The following NFAT5 variants were observed in gnomAD, a reference collection of about 807,000 sequenced individuals.
The protein encoded by NFAT5 is nuclear factor of activated T cells 5.
A neutral mutation model predicts 166.5 loss-of-function variants in NFAT5; 31 were observed. That is an observed-to-expected ratio of 0.19 (90% CI 0.14 to 0.25). NFAT5 has a LOEUF of 0.25. Among genes scored for constraint, NFAT5 ranks in the 10% least tolerant of loss-of-function variants. The pLI, the probability that NFAT5 is intolerant of heterozygous loss-of-function variation, is 1.00. For synonymous variants in NFAT5, 612 were observed against 639.7 expected, an observed-to-expected ratio of 0.96 and a Z score of 0.65; for missense variants, 1,449 against 1,821.8, an observed-to-expected ratio of 0.80 and a Z score of 3.72.
At position 69,693,076 on chromosome 16, in the gene NFAT5, A is replaced by T; in HGVS notation, c.3251A>T (p.His1084Leu). Residue 1084 changes from histidine to leucine, a missense_variant, in exon 13 of 15, where the codon CAT becomes CTT. Coordinates refer to ENST00000349945, the MANE Select transcript of NFAT5 (RefSeq NM_138713.4). ...GGAAATTTTTTGCAGCAGTCTTCTC[A>T]TTCACAGGCCCAACTTTTTCATCCT... The part of the protein sequence containing the change: ...QSGNFLQQSS[H>L]SQAQLFHPQN... 1 of 1,614,112 alleles carries T rather than the reference A, an allele frequency of 6.2e-7. No individual in the cohort carries two copies. Among genetic ancestry groups the T allele is most frequent in the Non-Finnish European group, 8.5e-7 (1 of 1,180,028 alleles).
chr16:69,621,994 GT>G (rs2034222437), intron 2 of NFAT5, among the ~76,000 whole-genome samples: 1 of 151,978 alleles, frequency 6.6e-6, no homozygotes. Context: ...AATAAATAAA[GT>G]GCATATGCTC....
intron 11 of NFAT5, among the ~76,000 whole-genome samples, chr16:69,686,925 A>T (rs2151707386): frequency 6.6e-6 from 1 of 152,322 alleles, no homozygotes; most frequent in East Asian, 1.9e-4. Context: ...GAAAAAATGC[A>T]AGTGTTGGAT....
Position 69,646,987 on chromosome 16 carries a change from A to G in NFAT5, c.254-41A>G, listed in dbSNP as rs747213097. 13 of 1,454,518 alleles carry G rather than the reference A, an allele frequency of 8.9e-6. No homozygotes were observed. In the South Asian group the frequency reaches 2.0e-4, roughly 22 times the overall value. 90.1% of individuals were successfully genotyped at this position (1,454,518 alleles called of 1,614,324 possible). On this transcript the variant is annotated intron_variant, in intron 3 of 14. Transcript: ENST00000349945. ...TGGGACTGCTAGCCAGCATAGGTGA[A>G]AACATGTATAGTGTATTTACTCTTG...
At chr16:69,653,485 A>C in intron 5 of NFAT5, 57 bp downstream of exon 5, 2 of 1,039,332 alleles carry the variant, frequency 1.9e-6, no homozygotes, top group Non-Finnish European at 2.6e-6. Context: ...GAATGAGAAT[A>C]TGTCCTGAAA....
At chr16:69,656,282 CAA>C (rs1230748739) in intron 6 of NFAT5, among the ~76,000 whole-genome samples, 45 of 58,856 alleles carry the variant, frequency 7.6e-4, no homozygotes, top group Admixed American at 2.8e-3. Flanking sequence ...CTCTGTCTCA[CAA>C]AAAAAAAAAA....
At chr16:69,600,840 A>G (rs903853354) in intron 2 of NFAT5, among the ~76,000 whole-genome samples, 34 of 149,034 alleles carry the variant, frequency 2.3e-4, no homozygotes, top group Admixed American at 8.1e-4. Context: ...CACAATTTTG[A>G]TTTTTCTCTA....
chr16:69,577,147 C>T (rs1022696480), intron 2 of NFAT5, among the ~76,000 whole-genome samples: 8 of 152,134 alleles, frequency 5.3e-5, no homozygotes, highest in African/African-American at 1.2e-4. Flanking sequence ...CGTTTTCTCA[C>T]GGTAGTCTAT....
Position 69,592,221 on chromosome 16 carries a change from G to A in NFAT5, c.127+23673G>A, listed in dbSNP as rs180724849. Among the ~76,000 whole-genome samples, 270 of 139,622 alleles carry A rather than the reference G, an allele frequency of 1.9e-3. 5 individuals are homozygous for A. The East Asian group carries it at 0.041, about 21-fold the overall frequency. The allele number at this position is 139,622 out of a possible 152,430, so 91.6% of individuals were successfully genotyped here. The stretch of plus-strand genomic sequence containing the variant: ...CAACCTCCCAAGTAGCTGAGATTAC[G>A]GGCACCCACCACCACGCCTGGATAA... On this transcript the variant is annotated intron_variant, in intron 2 of 14. Coordinates refer to ENST00000349945, the MANE Select transcript of NFAT5 (RefSeq NM_138713.4).
chr16:69,687,454 A>AT (rs1243402295), intron 11 of NFAT5, among the ~76,000 whole-genome samples: 1 of 151,762 alleles, frequency 6.6e-6, no homozygotes, highest in African/African-American at 2.4e-5. Context: ...AAAAAAAAAA[A>AT]AGGATTGGAA....
At chr16:69,667,622 TA>T (rs1472983256) in intron 7 of NFAT5, among the ~76,000 whole-genome samples, 1 of 152,098 alleles carries the variant, frequency 6.6e-6, no homozygotes, top group Non-Finnish European at 1.5e-5. Context: ...CAAATAAATT[TA>T]AAAAATGAGA....
intron 2 of NFAT5, among the ~76,000 whole-genome samples, chr16:69,614,861 T>C (rs201144379): frequency 1.3e-4 from 19 of 144,046 alleles, no homozygotes; most frequent in East Asian, 6.2e-4. Context: ...TCCTGGACTT[T>C]TATGGTTTTC....
chr16:69,597,102 A>G (rs1278698641), intron 2 of NFAT5, among the ~76,000 whole-genome samples: 1 of 152,152 alleles, frequency 6.6e-6, no homozygotes, highest in African/African-American at 2.4e-5. Flanking sequence ...AGGGGAGAAT[A>G]CCATGTTAGA....
intron 11 of NFAT5, chr16:69,685,596 T>G (rs1046534899): frequency 6.6e-6 from 1 of 151,536 alleles, no homozygotes; most frequent in African/African-American, 2.4e-5. Flanking sequence ...GTCACACCTA[T>G]AGTCCCAGCA....
At chr16:69,629,876 C>G (rs530334783) in intron 3 of NFAT5, among the ~76,000 whole-genome samples, 12 of 151,372 alleles carry the variant, frequency 7.9e-5, no homozygotes, top group Non-Finnish European at 1.8e-4. Flanking sequence ...TCAAGTGATC[C>G]TCCCATTTCA....
chr16:69,659,988 C>T (rs1171419498), intron 7 of NFAT5, 89 bp downstream of exon 7: 1 of 1,158,302 alleles, frequency 8.6e-7, no homozygotes, highest in Non-Finnish European at 1.2e-6. Flanking sequence ...TTAGATATTT[C>T]ATATGCTCCG....
chr16:69,659,833 G>A lies in NFAT5; in HGVS notation c.1303G>A (p.Val435Ile), dbSNP rs1176563939. 6.2e-6 allele frequency: 10 copies of A among 1,614,038 alleles called. No homozygotes were observed. Among genetic ancestry groups the A allele is most frequent in the Non-Finnish European group, 8.5e-6 (10 of 1,179,980 alleles). The change falls in exon 7 of 15, where the codon GTT becomes ATT. Residue 435 changes from valine to isoleucine, a missense_variant. Physicochemically the swap from Val to Ile is conservative, Grantham distance 29. This residue lies in a region of NFAT5 where 245 missense variants were observed against 366.6 expected (regional missense o/e 0.67). Transcript: ENST00000349945. Reference sequence around the variant, plus strand: ...CACTCGTGCCAGATTGGTTTTTCGAGTTAATATCATGAGGAAAGATGGCTC... The same window carrying A: ...CACTCGTGCCAGATTGGTTTTTCGAATTAATATCATGAGGAAAGATGGCTC... ...KSTRARLVFR[V>I]NIMRKDGSTL... is the part of the protein sequence containing the mutation.
At chr16:69,577,547 G>C (rs72801315) in intron 2 of NFAT5, among the ~76,000 whole-genome samples, 8,605 of 152,190 alleles carry the variant, frequency 0.057, 270 homozygotes, top group Middle Eastern at 0.11. Context: ...AAGGTAAAGA[G>C]TACGCACTGT....
chr16:69,649,855 T>C (rs2035594092), intron 4 of NFAT5, among the ~76,000 whole-genome samples: 1 of 151,954 alleles, frequency 6.6e-6, no homozygotes, highest in African/African-American at 2.4e-5. Context: ...TTAAAATGTA[T>C]ACAGCAGTTT....
At chr16:69,581,846 A>G (rs1184945994) in intron 2 of NFAT5, among the ~76,000 whole-genome samples, 1 of 152,212 alleles carries the variant, frequency 6.6e-6, no homozygotes, top group East Asian at 1.9e-4. Flanking sequence ...ATATGTATAC[A>G]TTGGCTAATT....
Sources: allele counts gnomAD v4.1 joint callset (sites outside exome capture counted in the v4.1 genomes callset), GRCh38; gene constraint gnomAD v4.1.1; regional missense constraint gnomAD v4.1.1; transcripts MANE v1.5; gene names NCBI Gene and HGNC (gene_info 2026-07-23, HGNC 2026-07-21).